CAPN13: variants seen among roughly 807,000 people sequenced by gnomAD.
CAPN13 encodes calpain-13.
A neutral mutation model predicts 98.4 loss-of-function variants in CAPN13; 90 were observed. The ratio of observed to expected loss-of-function variants is 0.92; its 90% CI spans 0.77 to 1.09. The LOEUF is 1.09. Among genes scored for constraint, CAPN13 ranks in the 50% least tolerant of loss-of-function variants. CAPN13 has a pLI of 0.00. For missense variants in CAPN13, 887 were observed against 841.3 expected (o/e 1.05, Z -0.67); for synonymous variants, 330 against 305.5 (o/e 1.08, Z -0.84).
At chr2:30,767,970 C>G (rs1053058632) in intron 5 of CAPN13, among the ~76,000 whole-genome samples, 3 of 152,236 alleles carry the variant, frequency 2.0e-5, no homozygotes, top group African/African-American at 7.2e-5. Context: ...CAAATGGAGA[C>G]TCATCTCTGA....
At position 30,733,656 on chromosome 2, in the gene CAPN13, C is replaced by A. The variant is rs552517421; in HGVS notation, c.1798+793G>T. On this transcript the variant is annotated intron_variant, in intron 19 of 22. Coordinates refer to ENST00000295055, the MANE Select transcript of CAPN13 (RefSeq NM_144575.3). The stretch of plus-strand genomic sequence containing the variant: ...AGAGTCCCAGTTCCACATTATGAAG[C>A]ATTAAGGGGAGGATCCAGGCTACAG... Among the ~76,000 whole-genome samples, 3 of 152,194 alleles carry A rather than the reference C, an allele frequency of 2.0e-5. No homozygotes were observed. In the East Asian group the frequency reaches 5.8e-4, roughly 30 times the overall value.
At chr2:30,757,671 G>A (rs1410791134) in intron 8 of CAPN13, among the ~76,000 whole-genome samples, 1 of 152,150 alleles carries the variant, frequency 6.6e-6, no homozygotes, top group Non-Finnish European at 1.5e-5. Context: ...CTCCATCTGT[G>A]TCTTGGCAAG....
chr2:30,741,926 G>C lies in CAPN13; in HGVS notation c.1518C>G (p.Phe506Leu), dbSNP rs75691612. 1,976 of 1,613,964 alleles carry C rather than the reference G, an allele frequency of 1.2e-3. 23 individuals carry two copies. The African/African-American group carries it at 0.024, about 19-fold the overall frequency. Residue 506 changes from phenylalanine (F) to leucine (L), a missense_variant, in exon 15 of 23, where the codon TTC becomes TTG. By Grantham distance (22) the Phe-to-Leu change is conservative. Transcript: ENST00000295055. ...ACCATACCTGCTGAGCATATCTGTT[G>C]AAAATGCTTTGTTGGGAGCCATGTT... ...PSEHGSQQSI[F>L]NRYAQQRLDI...
At chr2:30,771,367 C>A (rs568606589) in intron 4 of CAPN13, among the ~76,000 whole-genome samples, 1 of 152,290 alleles carries the variant, frequency 6.6e-6, no homozygotes, top group South Asian at 2.1e-4. Flanking sequence ...TGGCCTTTTC[C>A]ACATCTGGAT....
At chr2:30,733,765 G>A (rs1671217248) in intron 19 of CAPN13, among the ~76,000 whole-genome samples, 1 of 152,178 alleles carries the variant, frequency 6.6e-6, no homozygotes, top group Admixed American at 6.5e-5. Flanking sequence ...TCCTTCCAGT[G>A]TTAACCCGGG....
chr2:30,785,854 C>T (rs1032593440), intron 2 of CAPN13, among the ~76,000 whole-genome samples: 1 of 152,086 alleles, frequency 6.6e-6, no homozygotes. Flanking sequence ...CTTCAGCTCT[C>T]CTTAGGAGGT....
chr2:30,751,505 AAAGTCT>A lies in CAPN13; in HGVS notation c.1088-260_1088-255del, dbSNP rs539531937. Among the ~76,000 whole-genome samples the A allele has an allele frequency of 3.0e-3, 462 of 152,358 alleles. 5 individuals carry two copies. The highest frequency in any genetic ancestry group is 6.0e-3 in the Admixed American group (92 of 15,304). On this transcript the variant is annotated intron_variant, in intron 10 of 22. Coordinates refer to ENST00000295055, the MANE Select transcript of CAPN13 (RefSeq NM_144575.3). ...AAAATATTTCTTAAACTGTAAAGTC[AAAGTCT>A]ATTTTATAATGATAAGTGAAATTCC...
At chr2:30,725,993 G>A (rs1670842778) in intron 22 of CAPN13, among the ~76,000 whole-genome samples, 1 of 152,156 alleles carries the variant, frequency 6.6e-6, no homozygotes, top group Non-Finnish European at 1.5e-5. Context: ...TAGGATGTAA[G>A]CTAATACTAA....
intron 12 of CAPN13, among the ~76,000 whole-genome samples, chr2:30,744,820 C>G (rs1671827953): frequency 6.6e-6 from 1 of 152,198 alleles, no homozygotes; most frequent in South Asian, 2.1e-4. Flanking sequence ...GACTCTAGTT[C>G]TAGGGATGGG....
At chr2:30,752,767 T>G (rs1672240447) in intron 10 of CAPN13, among the ~76,000 whole-genome samples, 1 of 152,190 alleles carries the variant, frequency 6.6e-6, no homozygotes, top group Non-Finnish European at 1.5e-5. Context: ...TGGAGGGTGG[T>G]GAGCCCACTC....
intron 19 of CAPN13, 37 bp downstream of exon 19, chr2:30,734,412 G>A (rs1671253632): frequency 6.4e-7 from 1 of 1,559,592 alleles, no homozygotes; most frequent in Non-Finnish European, 8.8e-7. Context: ...CCCCTCCCCG[G>A]ACCTTGGGCA....
intron 22 of CAPN13, among the ~76,000 whole-genome samples, chr2:30,724,079 G>T (rs779765097): frequency 1.3e-5 from 2 of 152,204 alleles, no homozygotes; most frequent in Non-Finnish European, 2.9e-5. Flanking sequence ...ATGCAAGATG[G>T]GGTGGGGTTG....
chr2:30,736,422 C>G, intron 18 of CAPN13, 81 bp downstream of exon 18: 1 of 1,380,040 alleles, frequency 7.2e-7, no homozygotes, highest in East Asian at 2.3e-5. Context: ...ACCCCTGAAC[C>G]CTGGTGCAGG....
intron 2 of CAPN13, among the ~76,000 whole-genome samples, chr2:30,784,651 G>T (rs1258149761): frequency 1.3e-5 from 2 of 152,210 alleles, no homozygotes; most frequent in Non-Finnish European, 2.9e-5. Flanking sequence ...ATAAGCTTAT[G>T]ATGAGGCCTT....
At chr2:30,803,707 A>G (rs925625124) in intron 1 of CAPN13, among the ~76,000 whole-genome samples, 8 of 152,146 alleles carry the variant, frequency 5.3e-5, no homozygotes, top group African/African-American at 1.9e-4. Context: ...GGCAGTGGGC[A>G]AATCTCCACT....
chr2:30,747,278 G>A (rs898760602), intron 11 of CAPN13, among the ~76,000 whole-genome samples: 1 of 150,558 alleles, frequency 6.6e-6, no homozygotes, highest in South Asian at 2.1e-4. Flanking sequence ...TGTAGAAACT[G>A]AGGCTCAGCA....
intron 1 of CAPN13, among the ~76,000 whole-genome samples, chr2:30,806,785 C>G (rs569510772): frequency 6.6e-6 from 1 of 152,354 alleles, no homozygotes; most frequent in East Asian, 1.9e-4. Context: ...AATGATCTGT[C>G]TTTTGTGATT....
At chr2:30,729,111 G>A (rs1166973407) in intron 22 of CAPN13, among the ~76,000 whole-genome samples, 1 of 152,214 alleles carries the variant, frequency 6.6e-6, no homozygotes. Flanking sequence ...GGATAATGAG[G>A]AAGAAGTGGG....
intron 1 of CAPN13, among the ~76,000 whole-genome samples, chr2:30,787,737 G>A (rs532674393): frequency 2.0e-5 from 3 of 152,294 alleles, no homozygotes; most frequent in Admixed American, 6.5e-5. Flanking sequence ...GAAAGGTCAC[G>A]GGGTGTTGGA....
Sources: allele counts gnomAD v4.1 joint callset (sites outside exome capture counted in the v4.1 genomes callset), GRCh38; gene constraint gnomAD v4.1.1; transcripts MANE v1.5; gene names NCBI Gene and HGNC (gene_info 2026-07-23, HGNC 2026-07-21).